Variants in ZNF385C observed in about 807,000 individuals in gnomAD.
ZNF385C encodes the protein CTD-2132N18.2.
In ZNF385C, 28 loss-of-function variants were observed where a neutral mutation model predicts 35.4. The observed-to-expected ratio is 0.79, with a 90% confidence interval of 0.59 to 1.08. ZNF385C has a LOEUF of 1.08. Ranked by LOEUF, ZNF385C falls within the 50% of genes least tolerant of loss-of-function variation. The pLI is 0.00. For missense variants in ZNF385C, 605 were observed against 595.6 expected (o/e 1.02, Z -0.16); for synonymous variants, 248 against 248.2 (o/e 1.00, Z 0.01).
chr17:42,092,975 G>C (rs1320293406), intron 1 of ZNF385C, among the ~76,000 whole-genome samples: 1 of 152,200 alleles, frequency 6.6e-6, no homozygotes, highest in Non-Finnish European at 1.5e-5. Context: ...AGCTGGGTCT[G>C]GCCTCTAGCC....
intron 6 of ZNF385C, 150 bp from the exon 7 acceptor site, chr17:42,028,396 T>G: frequency 2.5e-6 from 2 of 798,376 alleles, no homozygotes; most frequent in Non-Finnish European, 3.8e-6. Context: ...TGGTTTCCCC[T>G]CCCAGCTTCT....
intron 1 of ZNF385C, among the ~76,000 whole-genome samples, chr17:42,075,558 G>A (rs549312216): frequency 1.6e-4 from 23 of 145,644 alleles, no homozygotes; most frequent in East Asian, 1.4e-3. Flanking sequence ...GCAGTGGCGC[G>A]ATCTCGGCTC....
At chr17:42,059,853 C>T (rs1200506357) in intron 2 of ZNF385C, among the ~76,000 whole-genome samples, 2 of 152,164 alleles carry the variant, frequency 1.3e-5, no homozygotes, top group Non-Finnish European at 2.9e-5. Flanking sequence ...AACTCCTGAC[C>T]TCAAGTTATC....
chr17:42,031,465 A>C (rs114829944), intron 5 of ZNF385C, among the ~76,000 whole-genome samples, 154 bp downstream of exon 5: 1,936 of 152,324 alleles, frequency 0.013, 42 homozygotes, highest in African/African-American at 0.045. Flanking sequence ...TGTTCAGCTT[A>C]GGAAAATTCA....
chr17:42,090,405 G>A (rs1470271633), intron 1 of ZNF385C, among the ~76,000 whole-genome samples: 3 of 147,288 alleles, frequency 2.0e-5, no homozygotes, highest in Admixed American at 6.9e-5. Flanking sequence ...TCCTGCTTCA[G>A]CCTCCCGAGT....
intron 1 of ZNF385C, among the ~76,000 whole-genome samples, chr17:42,067,112 C>A (rs2053559656): frequency 6.6e-6 from 1 of 151,988 alleles, no homozygotes; most frequent in Admixed American, 6.6e-5. Flanking sequence ...GCTCTGTTGC[C>A]CAGGCTGAAG....
chr17:42,080,700 A>C (rs1264037181), intron 1 of ZNF385C, among the ~76,000 whole-genome samples: 3 of 152,174 alleles, frequency 2.0e-5, no homozygotes, highest in Non-Finnish European at 4.4e-5. Flanking sequence ...GGAGGCACAA[A>C]GCCGTTGCAG....
intron 2 of ZNF385C, among the ~76,000 whole-genome samples, chr17:42,054,943 TCTC>T (rs1555657428): frequency 1.3e-5 from 2 of 151,960 alleles, no homozygotes; most frequent in African/African-American, 4.8e-5. Context: ...GCCCCATTCT[TCTC>T]CTCTCCATTC....
intron 2 of ZNF385C, among the ~76,000 whole-genome samples, chr17:42,042,584 C>T (rs373537185): frequency 5.9e-5 from 9 of 152,190 alleles, no homozygotes; most frequent in East Asian, 5.8e-4. Context: ...CAGTTTGCAA[C>T]GTCTGATTTA....
Position 42,028,138 on chromosome 17 carries a change from C to G in ZNF385C, c.1076G>C (p.Gly359Ala). 1 of 1,612,344 alleles carries G rather than the reference C, an allele frequency of 6.2e-7. No homozygotes were observed. The change falls in exon 7 of 9, where the codon GGG (glycine) becomes GCG (alanine). Residue 359 changes from glycine to alanine, a missense_variant. Transcript: ENST00000692273. ...GGGCCCCTGCCGGCCGCCCCGGCCC[C>G]CTGTGACTCTCTTGGCTTTGTGTCC... ...GAGHKAKRVT[G>A]GRGGRQGPSP... is the part of the protein sequence containing the mutation.
chr17:42,082,949 C>T (rs940723308), intron 1 of ZNF385C, among the ~76,000 whole-genome samples: 1 of 151,734 alleles, frequency 6.6e-6, no homozygotes, highest in Admixed American at 6.6e-5. Flanking sequence ...TGGTGGTGCA[C>T]GCCTGTAATC....
chr17:42,074,933 T>A (rs1598201611), intron 1 of ZNF385C, among the ~76,000 whole-genome samples: 1 of 150,974 alleles, frequency 6.6e-6, no homozygotes, highest in South Asian at 2.1e-4. Flanking sequence ...TGCCTGAACA[T>A]GCCAATGATG....
In ZNF385C at chr17:42,039,573, C is replaced by T. The variant is rs574977179; in HGVS notation, c.251-1688G>A. On this transcript the variant is annotated intron_variant, in intron 2 of 8. Transcript: ENST00000692273. ...GGGTTGGTGGGAAGCTCCAGAAGGG[C>T]GGGTGGATGGCCTCAGGCCCCTGGG... The T allele has an allele frequency of 6.8e-5, 56 of 829,430 alleles. No homozygotes were observed. In the African/African-American group the frequency reaches 8.5e-4, roughly 13 times the overall value. 51.4% of individuals were successfully genotyped at this position (829,430 alleles called of 1,614,324 possible).
intron 3 of ZNF385C, among the ~76,000 whole-genome samples, chr17:42,035,542 CTTTTTTTT>C (rs67173303): frequency 1.9e-5 from 2 of 105,588 alleles, no homozygotes; most frequent in Admixed American, 2.1e-4. Context: ...TGCTGACGAC[CTTTTTTTT>C]TTTTTTTTTT....
chr17:42,093,741 C>T lies in ZNF385C; in HGVS notation c.-3+4669G>A, dbSNP rs140910706. ...GATTAAAGGTACCCATCACCAAGCC[C>T]GGCTAATTTTTTGTACTTTTTTAGC... On this transcript the variant is annotated intron_variant, in intron 1 of 8. Transcript: ENST00000692273. Among the ~76,000 whole-genome samples, 279 of 151,898 alleles carry T rather than the reference C, an allele frequency of 1.8e-3. 4 individuals carry two copies. Among genetic ancestry groups the T allele is most frequent in the African/African-American group, 6.3e-3 (263 of 41,424 alleles).
At chr17:42,035,464 G>A (rs2052832456) in intron 3 of ZNF385C, among the ~76,000 whole-genome samples, 1 of 151,870 alleles carries the variant, frequency 6.6e-6, no homozygotes, top group African/African-American at 2.4e-5. Flanking sequence ...GCTTCATGCA[G>A]GGACCTGTGG....
rs145907332 is a variant in ZNF385C at position 42,037,829 on chromosome 17, G to A, written c.307C>T (p.Arg103Trp). The A allele has an allele frequency of 9.7e-3, 14,743 of 1,517,684 alleles. 73 individuals are homozygous for A. Among genetic ancestry groups the A allele is most frequent in the Non-Finnish European group, 0.012 (13,275 of 1,131,390 alleles). The allele number at this position is 1,517,684 out of a possible 1,614,324, so 94.0% of individuals were successfully genotyped here. The change falls in exon 3 of 9, where the codon CGG (arginine) becomes TGG (tryptophan). Residue 103 changes from arginine to tryptophan, a missense_variant. Coordinates refer to ENST00000692273, the MANE Select transcript of ZNF385C (RefSeq NM_001392013.1). The part of the protein sequence containing the change: ...PLLASLPLPT[R>W]PLQPPLDFKH... ...AAGTCCAGCGGGGGCTGCAGAGGCC[G>A]GGTGGGCAGGGGCAGGGAGGCCAGC...
chr17:42,072,475 C>T (rs1304739788), intron 1 of ZNF385C, among the ~76,000 whole-genome samples: 2 of 152,130 alleles, frequency 1.3e-5, no homozygotes, highest in Non-Finnish European at 2.9e-5. Flanking sequence ...ACGCGGCGGG[C>T]CCCCTCCCGC....
chr17:42,037,790 C>G lies in ZNF385C; in HGVS notation c.346G>C (p.Ala116Pro). 1 of 1,532,110 alleles carries G rather than the reference C, an allele frequency of 6.5e-7. No homozygotes were observed. The highest frequency in any genetic ancestry group is 8.8e-7 in the Non-Finnish European group (1 of 1,138,434). The allele number at this position is 1,532,110 out of a possible 1,614,324, so 94.9% of individuals were successfully genotyped here. A position where few individuals can be genotyped will look rare whatever the true frequency, so the allele number is the denominator to read the frequency against. ...GGGGCAGCGCCATTGAAGTGGAAGG[C>G]GAGCAAGTGCTTGAAGTCCAGCGGG... ...QPPLDFKHLL[A>P]FHFNGAAPLS... Residue 116 changes from alanine to proline, a missense_variant, in exon 3 of 9, where the codon GCC (alanine) becomes CCC (proline). Coordinates refer to ENST00000692273, the MANE Select transcript of ZNF385C (RefSeq NM_001392013.1).
Sources: gnomAD v4.1 joint callset for allele counts (sites outside exome capture counted in the v4.1 genomes callset) on GRCh38, gnomAD v4.1.1 for gene constraint, MANE v1.5 for transcripts, NCBI Gene and HGNC (gene_info 2026-07-23, HGNC 2026-07-21) for gene names.